KCNK3: variants seen among roughly 807,000 people sequenced by gnomAD.
The protein encoded by KCNK3 is potassium channel subfamily K member 3.
A neutral mutation model predicts 27.3 loss-of-function variants in KCNK3; 9 were observed. The ratio of observed to expected loss-of-function variants is 0.33; its 90% CI spans 0.20 to 0.57. The LOEUF (loss-of-function observed/expected upper bound fraction) is 0.57. Ranked by LOEUF, KCNK3 falls within the 20% of genes least tolerant of loss-of-function variation. The pLI, the probability that KCNK3 is intolerant of heterozygous loss-of-function variation, is 0.87. For synonymous variants in KCNK3, 278 were observed against 273.8 expected (o/e 1.02, Z -0.15); for missense variants, 391 against 577.7 (o/e 0.68, Z 3.31).
At chr2:26,697,709 A>G (rs1169302821) in intron 1 of KCNK3, among the ~76,000 whole-genome samples, 1 of 152,028 alleles carries the variant, frequency 6.6e-6, no homozygotes, top group Non-Finnish European at 1.5e-5. Context: ...TTTGGCTCTA[A>G]GGCAACAACA....
chr2:26,706,121 G>A (rs1670369752), intron 1 of KCNK3, among the ~76,000 whole-genome samples: 2 of 152,330 alleles, frequency 1.3e-5, no homozygotes, highest in South Asian at 4.1e-4. Context: ...GGGAGGCTGG[G>A]CCACTCACCA....
At position 26,728,258 on chromosome 2, in the gene KCNK3, G is replaced by A; in HGVS notation, c.875G>A (p.Gly292Asp). 3 of 1,583,328 alleles carry A rather than the reference G, an allele frequency of 1.9e-6. No homozygotes were observed. The highest frequency in any genetic ancestry group is 1.3e-5 in the African/African-American group (1 of 74,266). Residue 292 changes from glycine to aspartate, a missense_variant, in exon 2 of 2, where the codon GGC becomes GAC. By Grantham distance (94) the Gly-to-Asp change is moderately conservative. This residue lies in a region of KCNK3 where 192 missense variants were observed against 196.0 expected (regional missense o/e 0.98). Transcript: ENST00000302909. ...TDTASSTAAA[G>D]GGGFRNVYAE... ...ACCGCCTCATCCACGGCGGCAGCGG[G>A]CGGCGGCGGCTTCCGCAACGTCTAC...
At chr2:26,714,352 G>T (rs116017514) in intron 1 of KCNK3, among the ~76,000 whole-genome samples, 1 of 150,004 alleles carries the variant, frequency 6.7e-6, no homozygotes, top group Non-Finnish European at 1.5e-5. Context: ...TCCAGGCTTC[G>T]GTGTCCCCGA....
Position 26,727,804 on chromosome 2 carries a change from C to A in KCNK3, c.421C>A (p.His141Asn). 6.2e-7 allele frequency: 1 copy of A among 1,611,208 alleles called. No homozygotes were observed. The highest frequency in any genetic ancestry group is 8.5e-7 in the Non-Finnish European group (1 of 1,177,876). Reference sequence around the variant, plus strand: ...CAACACCTTGGTGAGGTACCTGCTGCACCGCGCCAAGAAGGGGCTGGGCAT... The same window carrying A: ...CAACACCTTGGTGAGGTACCTGCTGAACCGCGCCAAGAAGGGGCTGGGCAT... ...RINTLVRYLLHRAKKGLGMRR... is the reference protein window; with the variant it reads ...RINTLVRYLLNRAKKGLGMRR... Residue 141 changes from histidine (H) to asparagine (N), a missense_variant, in exon 2 of 2, where the codon CAC (histidine) becomes AAC (asparagine). By Grantham distance (68) the His-to-Asn change is moderately conservative (BLOSUM62 1). Transcript: ENST00000302909.
chr2:26,719,519 C>T (rs1190597947), intron 1 of KCNK3, among the ~76,000 whole-genome samples: 1 of 152,196 alleles, frequency 6.6e-6, no homozygotes, highest in Non-Finnish European at 1.5e-5. Flanking sequence ...GTCCAGCCCT[C>T]CTTCGGCTTC....
At chr2:26,701,067 C>G (rs1048798800) in intron 1 of KCNK3, among the ~76,000 whole-genome samples, 3 of 152,158 alleles carry the variant, frequency 2.0e-5, no homozygotes, top group African/African-American at 7.2e-5. Context: ...CCAAAAAGCC[C>G]CCAAGGGACA....
At chr2:26,698,506 G>A (rs1205643852) in intron 1 of KCNK3, among the ~76,000 whole-genome samples, 3 of 152,202 alleles carry the variant, frequency 2.0e-5, no homozygotes. Context: ...TAAAAAGAAA[G>A]TGCCTGGTAC....
At chr2:26,695,787 G>A (rs1020439633) in intron 1 of KCNK3, among the ~76,000 whole-genome samples, 2 of 152,194 alleles carry the variant, frequency 1.3e-5, no homozygotes, top group Non-Finnish European at 2.9e-5. Flanking sequence ...AAAGCCATGG[G>A]GGGAGAGGCA....
At chr2:26,712,975 G>C (rs1368939072) in intron 1 of KCNK3, among the ~76,000 whole-genome samples, 1 of 152,176 alleles carries the variant, frequency 6.6e-6, no homozygotes, top group Non-Finnish European at 1.5e-5. Context: ...AGAATGGAGA[G>C]TGAGGAGCAG....
chr2:26,700,474 T>G (rs1670293178), intron 1 of KCNK3, among the ~76,000 whole-genome samples: 1 of 152,224 alleles, frequency 6.6e-6, no homozygotes, highest in Non-Finnish European at 1.5e-5. Context: ...GCCTCAACTG[T>G]GGCCTGGAGC....
chr2:26,720,617 G>C (rs1248473407), intron 1 of KCNK3, among the ~76,000 whole-genome samples: 2 of 152,186 alleles, frequency 1.3e-5, no homozygotes, highest in East Asian at 1.9e-4. Flanking sequence ...AGGGCCACCT[G>C]TGGATGGGAG....
chr2:26,713,042 C>T (rs1663154681), intron 1 of KCNK3, among the ~76,000 whole-genome samples: 1 of 152,196 alleles, frequency 6.6e-6, no homozygotes, highest in South Asian at 2.1e-4. Flanking sequence ...CCAACCCATT[C>T]ATCAAGACTA....
At chr2:26,698,890 C>G (rs1449053331) in intron 1 of KCNK3, among the ~76,000 whole-genome samples, 1 of 151,990 alleles carries the variant, frequency 6.6e-6, no homozygotes, top group African/African-American at 2.4e-5. Flanking sequence ...AGAAAGCTAG[C>G]CAGGGGCTGG....
At chr2:26,718,846 GATCCTC>G (rs1432393708) in intron 1 of KCNK3, among the ~76,000 whole-genome samples, 1 of 152,080 alleles carries the variant, frequency 6.6e-6, no homozygotes, top group African/African-American at 2.4e-5. Flanking sequence ...GGGCTCAAGC[GATCCTC>G]CCACCTCAGC....
intron 1 of KCNK3, among the ~76,000 whole-genome samples, chr2:26,697,926 G>A (rs904933944): frequency 2.0e-5 from 3 of 152,150 alleles, no homozygotes; most frequent in Admixed American, 2.0e-4. Context: ...GAGTACAGAT[G>A]TGACCTGCCA....
intron 1 of KCNK3, among the ~76,000 whole-genome samples, chr2:26,720,088 C>A (rs1240540602): frequency 6.6e-6 from 1 of 152,142 alleles, no homozygotes; most frequent in Non-Finnish European, 1.5e-5. Flanking sequence ...TGTGGTGCAA[C>A]CCCGTCTCTA....
chr2:26,727,728 G>T lies in KCNK3; in HGVS notation c.345G>T (p.Leu115=), dbSNP rs752475208. 2 of 1,568,554 alleles carry T rather than the reference G, an allele frequency of 1.3e-6. No homozygotes were observed. Among genetic ancestry groups the T allele is most frequent in the Non-Finnish European group, 1.7e-6 (2 of 1,154,406 alleles). The change falls in exon 2 of 2, where the codon CTG becomes CTT. Residue 115 remains leucine (L), a synonymous_variant. Transcript: ENST00000302909. ...AGGTGTTCTGCATGTTCTACGCGCT[G>T]CTGGGCATCCCGCTCACGCTCGTCA... is the stretch of plus-strand genomic sequence containing the variant. The part of the protein sequence containing the change: ...GGKVFCMFYA[L]LGIPLTLVMF...
chr2:26,699,214 A>AAAGAAAGAAAGAAAGG (rs1411913674), intron 1 of KCNK3, among the ~76,000 whole-genome samples: 1 of 134,814 alleles, frequency 7.4e-6, no homozygotes, highest in Non-Finnish European at 1.6e-5. Context: ...AGAGAGAAAG[A>AAAGAAAGAAAGAAAGG]AAGAAAGAAA....
chr2:26,726,137 A>G (rs1009367572), intron 1 of KCNK3, among the ~76,000 whole-genome samples: 37 of 151,908 alleles, frequency 2.4e-4, no homozygotes, highest in Non-Finnish European at 2.9e-5. Context: ...AGAGAGAGAG[A>G]GAGAGACAGT....
Sources: gnomAD v4.1 joint callset for allele counts (sites outside exome capture counted in the v4.1 genomes callset) on GRCh38, gnomAD v4.1.1 for gene constraint, gnomAD v4.1.1 regional missense constraint, MANE v1.5 for transcripts, NCBI Gene and HGNC (gene_info 2026-07-23, HGNC 2026-07-21) for gene names.